The following MTMR9 variants were observed in gnomAD, a reference collection of about 807,000 sequenced individuals.
MTMR9 encodes the protein myotubularin-related protein 9.
In MTMR9, 39 loss-of-function variants were observed where a neutral mutation model predicts 69.5. The observed-to-expected ratio is 0.56, with a 90% CI of 0.43 to 0.73. The LOEUF is 0.73. Among genes scored for constraint, MTMR9 ranks in the 30% least tolerant of loss-of-function variants. The probability of loss-of-function intolerance (pLI) is 0.00; values close to 1 mark genes in which losing one functional copy is unlikely to be tolerated. For missense variants in MTMR9, 900 were observed against 671.2 expected, an observed-to-expected ratio of 1.34 and a Z score of -3.77; for synonymous variants, 354 against 240.8, an observed-to-expected ratio of 1.47 and a Z score of -4.35.
intron 6 of MTMR9, among the ~76,000 whole-genome samples, chr8:11,313,582 C>G (rs1043187617): frequency 6.6e-6 from 1 of 152,200 alleles, no homozygotes; most frequent in South Asian, 2.1e-4. Flanking sequence ...CATTTGAACA[C>G]TTACAGGCCA....
rs777928545 is a variant in MTMR9 at position 11,309,536 on chromosome 8, T to A, written c.819T>A (p.Ile273=). Reference sequence around the variant, plus strand: ...TTCTTACTTTTAAAAGGTATCACATTCTTCAGGAGAGCTTAATCAAACTTG... The same window carrying A: ...TTCTTACTTTTAAAAGGTATCACATACTTCAGGAGAGCTTAATCAAACTTG... The part of the protein sequence containing the change: ...RIHKSIERYH[I]LQESLIKLVE... Residue 273 remains isoleucine (I), a synonymous_variant, in exon 6 of 10, where the codon ATT becomes ATA. Coordinates refer to ENST00000221086, the MANE Select transcript of MTMR9 (RefSeq NM_015458.4). 6.2e-7 allele frequency: 1 copy of A among 1,608,606 alleles called. No homozygotes were observed. The highest frequency in any genetic ancestry group is 1.1e-5 in the South Asian group (1 of 90,210).
At chr8:11,315,873 T>C (rs762112600) in intron 7 of MTMR9, 2 of 152,244 alleles carry the variant, frequency 1.3e-5, no homozygotes, top group African/African-American at 2.4e-5. Flanking sequence ...TTTTATGTTA[T>C]TTTAATGGAT....
chr8:11,311,590 T>C (rs546621524), intron 6 of MTMR9, among the ~76,000 whole-genome samples: 2 of 152,364 alleles, frequency 1.3e-5, no homozygotes, highest in Admixed American at 6.5e-5. Flanking sequence ...AAAAATACTT[T>C]ATTGGTATTT....
intron 9 of MTMR9, among the ~76,000 whole-genome samples, chr8:11,321,834 G>T (rs1585137769): frequency 1.3e-5 from 2 of 152,092 alleles, no homozygotes; most frequent in African/African-American, 4.8e-5. Context: ...GCATAGAAGG[G>T]CTCATTAGGA....
chr8:11,334,873 T>G, the MTMR9 span, among the ~76,000 whole-genome samples: 1 of 152,184 alleles, frequency 6.6e-6, no homozygotes. Flanking sequence ...CAGAAAAAGC[T>G]TTTCACAAAA....
chr8:11,332,087 C>T (rs760139652), downstream of MTMR9: 22 of 1,611,626 alleles, frequency 1.4e-5, no homozygotes, highest in Middle Eastern at 2.3e-4. Context: ...CAGCCCGGAA[C>T]CTCAGCTGTG....
At chr8:11,329,060 G>C (rs1239582923), downstream of MTMR9, among the ~76,000 whole-genome samples, 1 of 152,052 alleles carries the variant, frequency 6.6e-6, no homozygotes, top group Non-Finnish European at 1.5e-5. Flanking sequence ...GTGTGGTCTT[G>C]GTATCTTTGT....
chr8:11,324,979 C>G lies in MTMR9; in HGVS notation c.*2191C>G, dbSNP rs1321796131. ...TGGTCATGGAGGGATGATGTACCAT[C>G]AAGGTAGACCCATCTTCCTGATGCA... On this transcript the variant is annotated 3_prime_UTR_variant, in exon 10 of 10. Coordinates refer to ENST00000221086, the MANE Select transcript of MTMR9 (RefSeq NM_015458.4). 6.6e-6 allele frequency: 1 copy of G among 152,358 alleles called. No homozygotes were observed. Among genetic ancestry groups the G allele is most frequent in the South Asian group, 2.1e-4 (1 of 4,826 alleles). 9.4% of individuals were successfully genotyped at this position (152,358 alleles called of 1,614,324 possible). A position where few individuals can be genotyped will look rare whatever the true frequency, so the allele number is the denominator to read the frequency against.
the MTMR9 span, among the ~76,000 whole-genome samples, chr8:11,333,898 C>G: frequency 4.6e-5 from 7 of 152,180 alleles, no homozygotes; most frequent in African/African-American, 2.4e-5. Flanking sequence ...GAGGTGGAAC[C>G]TTTAAGAGAT....
At chr8:11,319,564 T>C in intron 8 of MTMR9, 123 bp from the exon 9 acceptor site, 1 of 993,606 alleles carries the variant, frequency 1.0e-6, no homozygotes, top group Non-Finnish European at 1.5e-6. Flanking sequence ...ACTTTGTTTC[T>C]CTACCAAAAG....
At chr8:11,333,841 C>A in the MTMR9 span, among the ~76,000 whole-genome samples, 1 of 152,082 alleles carries the variant, frequency 6.6e-6, no homozygotes, top group African/African-American at 2.4e-5. Flanking sequence ...TTGAATGTCC[C>A]CTCTAAAATG....
chr8:11,288,684 A>G (rs912720982), intron 1 of MTMR9, among the ~76,000 whole-genome samples: 1 of 152,226 alleles, frequency 6.6e-6, no homozygotes, highest in African/African-American at 2.4e-5. Context: ...TGGAGGGATA[A>G]GCAGTGGTCA....
intron 7 of MTMR9, chr8:11,315,818 C>T (rs1016679768): frequency 6.6e-6 from 1 of 152,216 alleles, no homozygotes; most frequent in African/African-American, 2.4e-5. Context: ...GAGCTATATT[C>T]CTCATGATGC....
chr8:11,301,251 G>C (rs1434948708), intron 3 of MTMR9, among the ~76,000 whole-genome samples: 2 of 152,142 alleles, frequency 1.3e-5, no homozygotes, highest in East Asian at 3.8e-4. Context: ...GAAAACACTT[G>C]ATTACTGTAA....
At chr8:11,337,504 G>A in the MTMR9 span, among the ~76,000 whole-genome samples, 41 of 152,266 alleles carry the variant, frequency 2.7e-4, no homozygotes, top group South Asian at 6.2e-4. Flanking sequence ...AGACATCTCA[G>A]GTACTTGTCA....
At chr8:11,336,616 C>T in the MTMR9 span, among the ~76,000 whole-genome samples, 1 of 152,170 alleles carries the variant, frequency 6.6e-6, no homozygotes. Context: ...ACTTTTTTGG[C>T]CATCTCCAAT....
At chr8:11,287,996 C>CAT (rs1463794970) in intron 1 of MTMR9, among the ~76,000 whole-genome samples, 11 of 116,946 alleles carry the variant, frequency 9.4e-5, no homozygotes, top group East Asian at 7.0e-4. Flanking sequence ...ATATATATTA[C>CAT]ATATAATACA....
chr8:11,319,618 G>T (rs369696571), intron 8 of MTMR9, 69 bp from the exon 9 acceptor site: 2 of 1,511,842 alleles, frequency 1.3e-6, no homozygotes, highest in East Asian at 2.3e-5. Context: ...AATTGTCCTC[G>T]TAAGAGGAGC....
At position 11,327,488 on chromosome 8, in the gene MTMR9, G is replaced by A. The variant is rs183312867; in HGVS notation, c.*4700G>A. 6.6e-5 allele frequency: 10 copies of A among 152,504 alleles called. No homozygotes were observed. In the South Asian group the frequency reaches 8.3e-4, roughly 13 times the overall value. The allele number at this position is 152,504 out of a possible 1,614,324, so 9.4% of individuals were successfully genotyped here. On this transcript the variant is annotated 3_prime_UTR_variant, in exon 10 of 10. Transcript: ENST00000221086. ...CATTTGCTTCACTTTTAAAATGCAC[G>A]TTATCTTTGGAGAGGTGAATTATTC...
Sources: allele counts gnomAD v4.1 joint callset (sites outside exome capture counted in the v4.1 genomes callset), GRCh38; gene constraint gnomAD v4.1.1; transcripts MANE v1.5; gene names NCBI Gene and HGNC (gene_info 2026-07-23, HGNC 2026-07-21).